EFR3A: variants seen among roughly 807,000 people sequenced by gnomAD.
EFR3A encodes the protein EFR3 homolog A, also known as protein EFR3 homolog A.
Under a neutral mutation model 104.4 loss-of-function variants are expected in EFR3A, and 76 were observed. That is an observed-to-expected ratio of 0.73 (90% confidence interval 0.60 to 0.88). EFR3A has a LOEUF of 0.88. Ranked by LOEUF, EFR3A falls within the 40% of genes least tolerant of loss-of-function variation. EFR3A has a pLI of 0.00. For synonymous variants in EFR3A, 330 were observed against 330.0 expected, an observed-to-expected ratio of 1.00 and a Z score of 0.00; for missense variants, 985 against 1,012.5, an observed-to-expected ratio of 0.97 and a Z score of 0.37.
Position 131,926,774 on chromosome 8 carries a change from C to T in EFR3A, c.11-13725C>T, listed in dbSNP as rs761655712. On this transcript the variant is annotated intron_variant, in intron 1 of 22. Coordinates refer to ENST00000254624, the MANE Select transcript of EFR3A (RefSeq NM_015137.6). ...AACTGAGGCTATGAATGTGTGCCACCGTGTCCAGCTAGTTTTTATGATAAT... is the reference window on the plus strand; with the variant it reads ...AACTGAGGCTATGAATGTGTGCCACTGTGTCCAGCTAGTTTTTATGATAAT... Among the ~76,000 whole-genome samples the T allele has an allele frequency of 7.8e-4, 118 of 152,048 alleles. 1 individual carries two copies. The highest frequency in any genetic ancestry group is 1.8e-3 in the Admixed American group (28 of 15,266).
In EFR3A at chr8:131,936,086, G is replaced by A. The variant is rs563211629; in HGVS notation, c.11-4413G>A. On this transcript the variant is annotated intron_variant, in intron 1 of 22. Coordinates refer to ENST00000254624, the MANE Select transcript of EFR3A (RefSeq NM_015137.6). ...CAGCTGCTCAAGTCCTTCTATGAAT[G>A]CCTCTTTGAGACAGGATGGATTGGA... 1.8e-3 allele frequency among the ~76,000 whole-genome samples: 277 copies of A among 152,144 alleles called. 2 individuals carry two copies. Among genetic ancestry groups the A allele is most frequent in the African/African-American group, 6.5e-3 (269 of 41,508 alleles).
chr8:131,911,571 G>T (rs1284388083), intron 1 of EFR3A, among the ~76,000 whole-genome samples: 1 of 152,118 alleles, frequency 6.6e-6, no homozygotes, highest in Non-Finnish European at 1.5e-5. Flanking sequence ...CCCTCTGAAG[G>T]TTCACTGAAA....
chr8:131,904,403 G>C, intron 1 of EFR3A, 81 bp downstream of exon 1: 3 of 1,176,724 alleles, frequency 2.5e-6, no homozygotes, highest in Non-Finnish European at 3.2e-6. Context: ...CCTCCCGGGC[G>C]GCTGGGGAGG....
intron 14 of EFR3A, among the ~76,000 whole-genome samples, chr8:131,983,732 A>C (rs1820732396): frequency 6.6e-6 from 1 of 152,162 alleles, no homozygotes; most frequent in Non-Finnish European, 1.5e-5. Context: ...AGAGAGCCTC[A>C]GTACATTTCC....
chr8:131,905,576 A>T (rs534742666), intron 1 of EFR3A, among the ~76,000 whole-genome samples: 1 of 152,202 alleles, frequency 6.6e-6, no homozygotes, highest in African/African-American at 2.4e-5. Flanking sequence ...TTCACACACT[A>T]CTGTGTGTCC....
intron 10 of EFR3A, among the ~76,000 whole-genome samples, chr8:131,973,083 G>A (rs541689789): frequency 6.7e-6 from 1 of 148,494 alleles, no homozygotes; most frequent in South Asian, 2.2e-4. Flanking sequence ...TCTAGAAATT[G>A]TCCTCATTAA....
chr8:131,987,653 T>A lies in EFR3A; in HGVS notation c.2016T>A (p.Ser672Arg), dbSNP rs777806075. Residue 672 changes from serine to arginine, a missense_variant, in exon 18 of 23, where the codon AGT becomes AGA. Coordinates refer to ENST00000254624, the MANE Select transcript of EFR3A (RefSeq NM_015137.6). ...AGATTGCAGAGTCGCTAGGTGGAAG[T>A]GGATATAGTGTTGAGAGATTGTCAG... ...TNKIAESLGG[S>R]GYSVERLSVP... 6.3e-7 allele frequency: 1 copy of A among 1,596,810 alleles called. No homozygotes were observed. Among genetic ancestry groups the A allele is most frequent in the Non-Finnish European group, 8.5e-7 (1 of 1,170,610 alleles).
chr8:131,966,518 A>T (rs893419744), intron 8 of EFR3A, among the ~76,000 whole-genome samples: 5 of 152,184 alleles, frequency 3.3e-5, no homozygotes, highest in African/African-American at 9.7e-5. Context: ...AGCATTTTTC[A>T]TACAATAGAC....
chr8:131,987,325 C>T (rs1820935378), intron 17 of EFR3A, among the ~76,000 whole-genome samples: 1 of 152,010 alleles, frequency 6.6e-6, no homozygotes, highest in South Asian at 2.1e-4. Flanking sequence ...TAATACAAGG[C>T]TGAATTCACT....
At chr8:131,981,398 TCCTTGC>T in intron 14 of EFR3A, among the ~76,000 whole-genome samples, 1 of 152,240 alleles carries the variant, frequency 6.6e-6, no homozygotes, top group East Asian at 1.9e-4. Flanking sequence ...AAAGTAACTT[TCCTTGC>T]TAAGCATTTG....
intron 14 of EFR3A, 112 bp downstream of exon 14, chr8:131,979,533 T>C (rs752329661): frequency 1.4e-4 from 105 of 740,066 alleles, no homozygotes; most frequent in Non-Finnish European, 2.0e-4. Context: ...AATTTTGAAT[T>C]TGAAAGACCT....
intron 1 of EFR3A, chr8:131,935,476 T>G (rs964890996): frequency 2.2e-6 from 1 of 447,394 alleles, no homozygotes; most frequent in Non-Finnish European, 4.5e-6. Context: ...AGGACCAAAA[T>G]CCAGTAATCG....
intron 1 of EFR3A, among the ~76,000 whole-genome samples, chr8:131,912,579 A>C (rs773574089): frequency 1.3e-5 from 2 of 152,220 alleles, no homozygotes; most frequent in Non-Finnish European, 2.9e-5. Context: ...CCACTGACAC[A>C]GTAATTTCAC....
chr8:131,951,952 C>G (rs1818725225), intron 5 of EFR3A, among the ~76,000 whole-genome samples: 1 of 151,612 alleles, frequency 6.6e-6, no homozygotes, highest in African/African-American at 2.4e-5. Flanking sequence ...ATCATCAGTC[C>G]CTTTATTTTT....
intron 4 of EFR3A, among the ~76,000 whole-genome samples, chr8:131,947,780 A>T (rs896740189): frequency 1.3e-5 from 2 of 152,080 alleles, no homozygotes; most frequent in East Asian, 3.9e-4. Context: ...TAACTATGCC[A>T]TTACTATCTG....
At chr8:131,911,884 A>G (rs1816529142) in intron 1 of EFR3A, among the ~76,000 whole-genome samples, 1 of 152,168 alleles carries the variant, frequency 6.6e-6, no homozygotes, top group Non-Finnish European at 1.5e-5. Context: ...GGGTCTTGTG[A>G]CCCACAGTCA....
At chr8:131,993,048 CAG>C (rs1397991223) in intron 18 of EFR3A, among the ~76,000 whole-genome samples, 1 of 151,980 alleles carries the variant, frequency 6.6e-6, no homozygotes, top group Non-Finnish European at 1.5e-5. Context: ...ACAACTGGGA[CAG>C]AGAGAGATGA....
At chr8:131,909,270 G>T (rs1478738910) in intron 1 of EFR3A, among the ~76,000 whole-genome samples, 1 of 152,088 alleles carries the variant, frequency 6.6e-6, no homozygotes, top group African/African-American at 2.4e-5. Context: ...TTATAATTTG[G>T]CCAGGTGCAG....
At chr8:131,984,766 A>G (rs1450902452) in intron 15 of EFR3A, among the ~76,000 whole-genome samples, 163 bp from the exon 16 acceptor site, 2 of 152,176 alleles carry the variant, frequency 1.3e-5, no homozygotes, top group Admixed American at 6.5e-5. Context: ...CTCTTGTAAA[A>G]GAACATTTGT....
Sources: gnomAD v4.1 joint callset for allele counts (sites outside exome capture counted in the v4.1 genomes callset) on GRCh38, gnomAD v4.1.1 for gene constraint, MANE v1.5 for transcripts, NCBI Gene and HGNC (gene_info 2026-07-23, HGNC 2026-07-21) for gene names.